The following METTL21A variants were observed in gnomAD, a reference collection of about 807,000 sequenced individuals.
The protein encoded by METTL21A is protein N-lysine methyltransferase METTL21A.
A neutral mutation model predicts 20.9 loss-of-function variants in METTL21A; 22 were observed. The ratio of observed to expected loss-of-function variants is 1.05; its 90% CI spans 0.75 to 1.50. METTL21A has a LOEUF of 1.50. Among genes scored for constraint, METTL21A ranks in the 40% most tolerant of loss-of-function variants. The pLI is 0.00. For synonymous variants in METTL21A, 93 were observed against 102.0 expected, an observed-to-expected ratio of 0.91 and a Z score of 0.53; for missense variants, 271 against 266.8, an observed-to-expected ratio of 1.02 and a Z score of -0.11.
At chr2:207,610,682 G>A (rs1409807734), downstream of METTL21A, 4 of 12,262 alleles carry the variant, frequency 3.3e-4, no homozygotes, top group Non-Finnish European at 5.7e-4. Flanking sequence ...TCAGCCCCCC[G>A]CCCGGCCAGC....
At chr2:207,581,445 T>C (rs114302588), downstream of METTL21A, 906 of 201,146 alleles carry the variant, frequency 4.5e-3, 8 homozygotes, top group African/African-American at 0.019. Flanking sequence ...ACTATCAGGT[T>C]TTTTAAATTT....
exon 4 of METTL21A, chr2:207,612,927 T>A (rs886738815): frequency 3.0e-5 from 32 of 1,064,468 alleles, no homozygotes; most frequent in Non-Finnish European, 4.3e-5. Context: ...CTTTCTCCCC[T>A]GAGAACCTTT....
chr2:207,603,213 ACT>A (rs1227704744), intron 3 of METTL21A: 4 of 217,168 alleles, frequency 1.8e-5, no homozygotes, highest in Non-Finnish European at 3.7e-5. Context: ...AAAAAAATGT[ACT>A]GAGTTACAAT....
chr2:207,624,513 G>T (rs2090889853), intron 1 of METTL21A, 109 bp from the exon 2 acceptor site: 2 of 930,070 alleles, frequency 2.2e-6, no homozygotes, highest in East Asian at 3.1e-5. Flanking sequence ...AAGAAAAAAA[G>T]AAACAGGTGG....
intron 3 of METTL21A, among the ~76,000 whole-genome samples, chr2:207,587,780 TAG>T (rs1376557919): frequency 6.6e-6 from 1 of 152,150 alleles, no homozygotes; most frequent in Non-Finnish European, 1.5e-5. Flanking sequence ...TTGTGGGTAT[TAG>T]AGCCTGGGAA....
downstream of METTL21A, among the ~76,000 whole-genome samples, chr2:207,608,276 A>G (rs2088437941): frequency 6.6e-6 from 1 of 152,080 alleles, no homozygotes; most frequent in Non-Finnish European, 1.5e-5. Context: ...TCTTGGAAAA[A>G]GCATTCCCAT....
intron 3 of METTL21A, chr2:207,597,741 T>G: frequency 4.9e-6 from 1 of 204,126 alleles, no homozygotes; most frequent in Non-Finnish European, 1.0e-5. Flanking sequence ...CTTAATTCAG[T>G]TCTGTATGTG....
downstream of METTL21A, among the ~76,000 whole-genome samples, chr2:207,604,234 C>T (rs1469747132): frequency 6.6e-6 from 1 of 152,158 alleles, no homozygotes; most frequent in African/African-American, 2.4e-5. Context: ...AAGTCACATC[C>T]AAAGATAAAA....
chr2:207,588,730 T>G (rs1354375216), intron 3 of METTL21A, among the ~76,000 whole-genome samples: 13 of 5,592 alleles, frequency 2.3e-3, no homozygotes, highest in East Asian at 0.33. Context: ...GTTTTCTGGT[T>G]TTTTTTTTTT....
chr2:207,617,127 G>C (rs1321823005), intron 3 of METTL21A, among the ~76,000 whole-genome samples: 5 of 152,210 alleles, frequency 3.3e-5, no homozygotes, highest in Admixed American at 6.5e-5. Flanking sequence ...AATGGGAAAA[G>C]AATGTATAAA....
chr2:207,581,268 G>A (rs2082922243), downstream of METTL21A: 2 of 197,754 alleles, frequency 1.0e-5, no homozygotes, highest in East Asian at 1.6e-4. Context: ...AATGGATAGG[G>A]TAAAAAATTT....
In METTL21A at chr2:207,590,356, T is replaced by C. The variant is rs188865392; in HGVS notation, c.260-8196A>G. Among the ~76,000 whole-genome samples the C allele has an allele frequency of 1.1e-3, 171 of 152,084 alleles. 1 individual carries two copies. Among genetic ancestry groups the C allele is most frequent in the Non-Finnish European group, 1.7e-3 (114 of 67,986 alleles). Reference sequence around the variant, plus strand: ...CACCCCTACCCCAGCCACCCTCCTTTTTTTTTAAGTCTGGCTAAAGGTTTA... The same window carrying C: ...CACCCCTACCCCAGCCACCCTCCTTCTTTTTTAAGTCTGGCTAAAGGTTTA... On this transcript the variant is annotated intron_variant, in intron 3 of 3. Coordinates refer to the METTL21A transcript ENST00000425132.
chr2:207,599,626 T>C (rs935856482), intron 3 of METTL21A: 5 of 200,746 alleles, frequency 2.5e-5, no homozygotes, highest in African/African-American at 1.1e-4. Context: ...TAAATCTGTC[T>C]TAGACCCTTG....
At chr2:207,615,492 T>C (rs2089576970) in intron 3 of METTL21A, among the ~76,000 whole-genome samples, 1 of 151,882 alleles carries the variant, frequency 6.6e-6, no homozygotes, top group Non-Finnish European at 1.5e-5. Context: ...GGTCAAGAGA[T>C]CGAGACTATC....
At chr2:207,580,846 C>G (rs1574900066), downstream of METTL21A, 1 of 220,408 alleles carries the variant, frequency 4.5e-6, no homozygotes, top group East Asian at 6.6e-5. Context: ...GTCTAGGATC[C>G]TGGGCTAGAT....
intron 3 of METTL21A, among the ~76,000 whole-genome samples, chr2:207,596,288 C>A (rs2086145072): frequency 6.6e-6 from 1 of 152,164 alleles, no homozygotes. Flanking sequence ...AGGATTGTTA[C>A]ACATTGAAAT....
intron 3 of METTL21A, among the ~76,000 whole-genome samples, chr2:207,614,274 T>C (rs917377559): frequency 2.2e-4 from 34 of 152,072 alleles, no homozygotes; most frequent in African/African-American, 8.2e-4. Context: ...TGCACACCTG[T>C]GGTCTTAACT....
At chr2:207,608,963 G>A (rs2088547060), downstream of METTL21A, among the ~76,000 whole-genome samples, 1 of 152,184 alleles carries the variant, frequency 6.6e-6, no homozygotes, top group African/African-American at 2.4e-5. Flanking sequence ...TGTCATTATG[G>A]TGTTGGTGAT....
intron 3 of METTL21A, among the ~76,000 whole-genome samples, chr2:207,594,508 T>C (rs909702121): frequency 6.6e-6 from 1 of 152,208 alleles, no homozygotes; most frequent in African/African-American, 2.4e-5. Flanking sequence ...TGTGTCAGCA[T>C]AATGCCCTCA....
Sources: allele counts gnomAD v4.1 joint callset (sites outside exome capture counted in the v4.1 genomes callset), GRCh38; gene constraint gnomAD v4.1.1; transcripts MANE v1.5; gene names NCBI Gene and HGNC (gene_info 2026-07-23, HGNC 2026-07-21).